The following JADE3 variants were observed in gnomAD, a reference collection of about 807,000 sequenced individuals.
JADE3 encodes protein Jade-3.
In JADE3, 2 loss-of-function variants were observed where a neutral mutation model predicts 50.1. The observed-to-expected ratio is 0.04, with a 90% CI of 0.02 to 0.13. JADE3 has a LOEUF of 0.13. Among genes scored for constraint, JADE3 ranks in the 10% least tolerant of loss-of-function variants. The pLI, the probability that JADE3 is intolerant of heterozygous loss-of-function variation, is 1.00. For synonymous variants in JADE3, 218 were observed against 232.9 expected (o/e 0.94, Z 0.58); for missense variants, 475 against 634.4 (o/e 0.75, Z 2.70).
At chrX:47,032,908 G>A (rs1391328731) in intron 6 of JADE3, among the ~76,000 whole-genome samples, 1 of 111,637 alleles carries the variant, frequency 9.0e-6, no homozygotes, top group Non-Finnish European at 1.9e-5. Context: ...AGGAGGAAAT[G>A]ATGGGCAAAA....
At chrX:47,042,605 G>A (rs1556369947) in intron 8 of JADE3, among the ~76,000 whole-genome samples, 3 of 111,982 alleles carry the variant, frequency 2.7e-5, no homozygotes, top group African/African-American at 9.7e-5. Flanking sequence ...TCATTACAGA[G>A]ACTCCTCTGC....
At chrX:46,936,861 G>C (rs782125335) in intron 1 of JADE3, among the ~76,000 whole-genome samples, 41 of 111,265 alleles carry the variant, frequency 3.7e-4, no homozygotes, top group Non-Finnish European at 5.7e-4. Context: ...TTTCAATTGT[G>C]CTAGAGGTTT....
chrX:47,049,460 C>CTGGCTCTTCTT, intron 8 of JADE3, among the ~76,000 whole-genome samples: 1 of 105,932 alleles, frequency 9.4e-6, no homozygotes, highest in East Asian at 3.0e-4. Flanking sequence ...GCCACCGCGC[C>CTGGCTCTTCTT]CAACCCTTTT....
chrX:46,914,210 A>G (rs1926032721), intron 1 of JADE3, among the ~76,000 whole-genome samples: 1 of 111,862 alleles, frequency 8.9e-6, no homozygotes. Context: ...TTGTCAGCCT[A>G]GGCTGGGAGG....
At position 46,933,611 on chromosome X, in the gene JADE3, T is replaced by A. The variant is rs781895462; in HGVS notation, c.-12+20892T>A. 2.7e-5 allele frequency among the ~76,000 whole-genome samples: 3 copies of A among 111,722 alleles called. No homozygotes were observed. The Admixed American group carries it at 2.9e-4, about 11-fold the overall frequency. On this transcript the variant is annotated intron_variant, in intron 1 of 10. Coordinates refer to ENST00000614628, the MANE Select transcript of JADE3 (RefSeq NM_014735.5). ...ATACAAAAGGATCAAAGTGCCAACT[T>A]CGTATGCAGTATAGGGAATCCTCTG... is the stretch of plus-strand genomic sequence containing the variant.
At chrX:46,977,297 T>G (rs957308253) in intron 1 of JADE3, among the ~76,000 whole-genome samples, 5 of 111,859 alleles carry the variant, frequency 4.5e-5, no homozygotes, top group African/African-American at 1.6e-4. Context: ...AGGCAGAGGT[T>G]GCAGTGAGCT....
intron 1 of JADE3, among the ~76,000 whole-genome samples, chrX:46,929,083 A>T: frequency 1.8e-5 from 2 of 110,785 alleles, no homozygotes; most frequent in Non-Finnish European, 3.8e-5. Flanking sequence ...TAGATTGCAG[A>T]CAGCTCTTCC....
intron 1 of JADE3, among the ~76,000 whole-genome samples, chrX:46,980,670 T>C (rs1556352833): frequency 9.0e-6 from 1 of 111,435 alleles, no homozygotes; most frequent in Non-Finnish European, 1.9e-5. Context: ...TGAGAACTCT[T>C]TGCTTAGCCC....
At position 47,059,619 on chromosome X, in the gene JADE3, C is replaced by A. The variant is rs1017219277; in HGVS notation, c.*542C>A. On this transcript the variant is annotated 3_prime_UTR_variant, in exon 11 of 11. Coordinates refer to ENST00000614628, the MANE Select transcript of JADE3 (RefSeq NM_014735.5). Reference sequence around the variant, plus strand: ...CTTTGTTCTGCACAAGGTTGAGTTTCTTTCACAGTATCTTAACTTACTGAG... The same window carrying A: ...CTTTGTTCTGCACAAGGTTGAGTTTATTTCACAGTATCTTAACTTACTGAG... 2 of 112,512 alleles carry A rather than the reference C, an allele frequency of 1.8e-5. No homozygotes were observed. Among genetic ancestry groups the A allele is most frequent in the African/African-American group, 6.5e-5 (2 of 30,745 alleles). 9.3% of individuals were successfully genotyped at this position (112,512 alleles called of 1,213,427 possible).
chrX:47,007,807 TTGTGTGTGTGTGTGTG>T (rs782728907), intron 4 of JADE3, among the ~76,000 whole-genome samples: 116 of 70,808 alleles, frequency 1.6e-3, no homozygotes, highest in South Asian at 9.2e-3. Flanking sequence ...TCCTTTTATT[TTGTGTGTGTGTGTGTG>T]TGTGTGTGTG....
At chrX:46,923,311 A>G (rs1926266837) in intron 1 of JADE3, among the ~76,000 whole-genome samples, 1 of 105,559 alleles carries the variant, frequency 9.5e-6, no homozygotes, top group Non-Finnish European at 2.0e-5. Context: ...CACTGCGCCC[A>G]GCAAGAGTTG....
At chrX:46,973,995 G>A (rs1249350765) in intron 1 of JADE3, among the ~76,000 whole-genome samples, 1 of 111,640 alleles carries the variant, frequency 9.0e-6, no homozygotes, top group Admixed American at 9.5e-5. Context: ...CAGGACAATC[G>A]CTTGAACCAG....
At chrX:47,052,493 G>A (rs1012667127) in intron 8 of JADE3, among the ~76,000 whole-genome samples, 7 of 107,431 alleles carry the variant, frequency 6.5e-5, no homozygotes, top group South Asian at 4.2e-4. Flanking sequence ...AATTAGCCAG[G>A]TGTGGTGGCA....
At chrX:46,943,615 G>C (rs1467068534) in intron 1 of JADE3, among the ~76,000 whole-genome samples, 1 of 111,804 alleles carries the variant, frequency 8.9e-6, no homozygotes, top group African/African-American at 3.2e-5. Flanking sequence ...GATTTGGTTT[G>C]CTAGTATTTT....
At chrX:47,028,161 TG>T in intron 6 of JADE3, 58 bp downstream of exon 6, 1 of 832,765 alleles carries the variant, frequency 1.2e-6, no homozygotes, top group Non-Finnish European at 1.8e-6. Flanking sequence ...AGCTCAGTGA[TG>T]ATCTCCAGCA....
Position 47,032,976 on chromosome X carries a change from C to T in JADE3, c.688-645C>T, listed in dbSNP as rs188775343. Among the ~76,000 whole-genome samples, 7 of 111,713 alleles carry T rather than the reference C, an allele frequency of 6.3e-5. No homozygotes were observed. In the East Asian group the frequency reaches 2.0e-3, roughly 31 times the overall value. On this transcript the variant is annotated intron_variant, in intron 6 of 10. Transcript: ENST00000614628. ...TCCCAAACTAATCTCCAGTTTCTCA[C>T]AGTAATTATTTGTCCAACTTCATTC...
In JADE3 at chrX:46,972,907, G is replaced by A. The variant is rs190532561; in HGVS notation, c.-11-11977G>A. Among the ~76,000 whole-genome samples the A allele has an allele frequency of 3.4e-3, 380 of 112,382 alleles. 1 individual carries two copies. The highest frequency in any genetic ancestry group is 5.5e-3 in the Non-Finnish European group (292 of 53,213). On this transcript the variant is annotated intron_variant, in intron 1 of 10. Transcript: ENST00000614628. Reference sequence around the variant, plus strand: ...AGCCACCGCGCCCGGCTGGAATAAAGTTTTATTCCGAAGAGAGTTGTGTTC... The same window carrying A: ...AGCCACCGCGCCCGGCTGGAATAAAATTTTATTCCGAAGAGAGTTGTGTTC...
intron 1 of JADE3, among the ~76,000 whole-genome samples, chrX:46,955,427 G>T (rs1257198461): frequency 9.0e-6 from 1 of 111,562 alleles, no homozygotes; most frequent in Non-Finnish European, 1.9e-5. Flanking sequence ...TGTGCATAAG[G>T]TTGATCGGGG....
chrX:47,057,906 G>C (rs781916011), intron 10 of JADE3, among the ~76,000 whole-genome samples: 1 of 111,784 alleles, frequency 8.9e-6, no homozygotes, highest in Non-Finnish European at 1.9e-5. Flanking sequence ...CAACACACTA[G>C]TTTGTGATCA....
Sources: gnomAD v4.1 joint callset for allele counts (sites outside exome capture counted in the v4.1 genomes callset) on GRCh38, gnomAD v4.1.1 for gene constraint, MANE v1.5 for transcripts, NCBI Gene and HGNC (gene_info 2026-07-23, HGNC 2026-07-21) for gene names.